Variants in TBC1D10B observed in about 807,000 individuals in gnomAD.
The protein encoded by TBC1D10B is Rab27A-GAPbeta.
A neutral mutation model predicts 78.4 loss-of-function variants in TBC1D10B; 25 were observed. The observed-to-expected ratio is 0.32, with a 90% CI of 0.23 to 0.45. TBC1D10B has a LOEUF of 0.45. TBC1D10B is among the 20% of genes least tolerant of loss of function. The pLI, the probability that TBC1D10B is intolerant of heterozygous loss-of-function variation, is 1.00. For missense variants in TBC1D10B, 996 were observed against 1,104.8 expected (o/e 0.90, Z 1.40); for synonymous variants, 517 against 478.0 (o/e 1.08, Z -1.06).
Position 30,365,363 on chromosome 16 carries a change from T to A in TBC1D10B, c.1056+132A>T. The stretch of plus-strand genomic sequence containing the variant: ...GCCTGGACTTCTATTTTTAAAGCCA[T>A]TCCCCCGCCAGGGCCCATCTATCCC... On this transcript the variant is annotated intron_variant, in intron 2 of 8. Transcript: ENST00000409939. This position sits in a 1 kb window ranked among gnomAD's most constrained non-coding sequence, Gnocchi z 5.0. 7.8e-7 allele frequency: 1 copy of A among 1,283,908 alleles called. No individual in the cohort carries two copies. Among genetic ancestry groups the A allele is most frequent in the African/African-American group, 1.5e-5 (1 of 68,118 alleles). The allele number at this position is 1,283,908 out of a possible 1,614,324, so 79.5% of individuals were successfully genotyped here.
intron 4 of TBC1D10B, among the ~76,000 whole-genome samples, chr16:30,361,264 G>C (rs1187447839): frequency 6.6e-6 from 1 of 152,164 alleles, no homozygotes; most frequent in Non-Finnish European, 1.5e-5. Context: ...CTGCACTCCA[G>C]CCTGGGCGAC....
At chr16:30,361,249 C>A (rs190140360) in intron 4 of TBC1D10B, among the ~76,000 whole-genome samples, 1 of 152,232 alleles carries the variant, frequency 6.6e-6, no homozygotes, top group African/African-American at 2.4e-5. Context: ...GCCAAGATCA[C>A]ACCACTGCAC....
Position 30,369,630 on chromosome 16 carries a change from G to A in TBC1D10B, c.554C>T (p.Ala185Val), listed in dbSNP as rs1422320053. The change falls in exon 1 of 9, where the codon GCA (alanine) becomes GTA (valine). Residue 185 changes from alanine to valine, a missense_variant. Physicochemically the swap from Ala to Val is moderately conservative, Grantham distance 64. Transcript: ENST00000409939. This position sits in a 1 kb window ranked among gnomAD's most constrained non-coding sequence, Gnocchi z 4.3. ...TGTCACTTGTCCTGATGCACTCCGT[G>A]CAGTCACTCCTGAGGCCACTGTGGT... ...PGTTVASGVT[A>V]RSASGQVTGG... The A allele has an allele frequency of 3.9e-6, 6 of 1,530,402 alleles. No individual in the cohort carries two copies. Among genetic ancestry groups the A allele is most frequent in the Non-Finnish European group, 5.3e-6 (6 of 1,136,146 alleles). The allele number at this position is 1,530,402 out of a possible 1,614,324, so 94.8% of individuals were successfully genotyped here.
At chr16:30,367,909 G>C (rs959773405) in intron 1 of TBC1D10B, 1 of 152,206 alleles carries the variant, frequency 6.6e-6, no homozygotes, top group African/African-American at 2.4e-5. Context: ...ACAGCACCCG[G>C]CATAGTGCCT....
intron 4 of TBC1D10B, chr16:30,360,334 C>G (rs11642676): frequency 0.25 from 39,576 of 160,768 alleles, 6,073 homozygotes; most frequent in Non-Finnish European, 0.34. Flanking sequence ...TAGATCTGCT[C>G]TTCTTGAGGG....
chr16:30,363,728 G>A (rs1238349481), intron 4 of TBC1D10B, among the ~76,000 whole-genome samples: 1 of 152,168 alleles, frequency 6.6e-6, no homozygotes, highest in East Asian at 1.9e-4. Flanking sequence ...AGGAGTTTTT[G>A]GTTTTTTGTT....
chr16:30,364,795 T>C (rs2151102157), intron 4 of TBC1D10B, 105 bp downstream of exon 4: 3 of 1,030,728 alleles, frequency 2.9e-6, no homozygotes, highest in East Asian at 5.2e-5. Flanking sequence ...CTACAAGTCC[T>C]GAAGGGCAAA....
At position 30,357,779 on chromosome 16, in the gene TBC1D10B, G is replaced by C; in HGVS notation, c.*165C>G. ...CAGACTCATTTGCAGCTGCCCATCTGTCCTGCCCGTGTAGGGATCAGCAGC... is the reference window on the plus strand; with the variant it reads ...CAGACTCATTTGCAGCTGCCCATCTCTCCTGCCCGTGTAGGGATCAGCAGC... On this transcript the variant is annotated 3_prime_UTR_variant, in exon 9 of 9. Coordinates refer to ENST00000409939, the MANE Select transcript of TBC1D10B (RefSeq NM_015527.4). 1 of 953,164 alleles carries C rather than the reference G, an allele frequency of 1.0e-6. No individual in the cohort carries two copies. Among genetic ancestry groups the C allele is most frequent in the Non-Finnish European group, 1.5e-6 (1 of 659,516 alleles). 59.0% of individuals were successfully genotyped at this position (953,164 alleles called of 1,614,324 possible).
intron 4 of TBC1D10B, 107 bp downstream of exon 4, chr16:30,364,793 C>T: frequency 1.0e-6 from 1 of 962,556 alleles, no homozygotes; most frequent in Middle Eastern, 3.3e-4. Flanking sequence ...TTCTACAAGT[C>T]CTGAAGGGCA....
chr16:30,360,929 A>T (rs1283274394), intron 4 of TBC1D10B, among the ~76,000 whole-genome samples: 2 of 151,108 alleles, frequency 1.3e-5, no homozygotes, highest in Non-Finnish European at 2.9e-5. Context: ...CTGCACTATC[A>T]ATTTCTCTCT....
chr16:30,370,178 C>A lies in TBC1D10B; in HGVS notation c.6G>T (p.Glu2Asp). 8.5e-7 allele frequency: 1 copy of A among 1,170,262 alleles called. No homozygotes were observed. Among genetic ancestry groups the A allele is most frequent in the South Asian group, 4.2e-5 (1 of 23,848 alleles). The allele number at this position is 1,170,262 out of a possible 1,614,324, so 72.5% of individuals were successfully genotyped here. A position where few individuals can be genotyped will look rare whatever the true frequency, so the allele number is the denominator to read the frequency against. Reference sequence around the variant, plus strand: ...GGGCCACCAGGGGCGCCGTGCCCGTCTCCATGGCCGCGGGCCGCCCCTCAC... The same window carrying A: ...GGGCCACCAGGGGCGCCGTGCCCGTATCCATGGCCGCGGGCCGCCCCTCAC... M[E>D]TGTAPLVAPP... Residue 2 changes from glutamate to aspartate, a missense_variant, in exon 1 of 9, where the codon GAG (glutamate) becomes GAT (aspartate). Glu to Asp is a conservative substitution (Grantham distance 45, BLOSUM62 2). Coordinates refer to ENST00000409939, the MANE Select transcript of TBC1D10B (RefSeq NM_015527.4).
In TBC1D10B at chr16:30,369,460, T is replaced by C; in HGVS notation, c.724A>G (p.Asn242Asp). ...GACGTGGAGCCCAGGTCTTGAGAGTTTTCAGCAGGCTCCGGAGCTGGGGTC... is the reference window on the plus strand; with the variant it reads ...GACGTGGAGCCCAGGTCTTGAGAGTCTTCAGCAGGCTCCGGAGCTGGGGTC... Reference protein sequence around the residue: ...TVTPAPEPAENSQDLGSTSSL... With the variant: ...TVTPAPEPAEDSQDLGSTSSL... The change falls in exon 1 of 9, where the codon AAC becomes GAC. Residue 242 changes from asparagine (N) to aspartate (D), a missense_variant. Coordinates refer to ENST00000409939, the MANE Select transcript of TBC1D10B (RefSeq NM_015527.4). This position sits in a 1 kb window ranked among gnomAD's most constrained non-coding sequence, Gnocchi z 4.3. 2 of 1,552,438 alleles carry C rather than the reference T, an allele frequency of 1.3e-6. No homozygotes were observed. The highest frequency in any genetic ancestry group is 2.4e-5 in the South Asian group (2 of 84,144).
Position 30,357,680 on chromosome 16 carries a change from A to C in TBC1D10B, c.*264T>G. On this transcript the variant is annotated 3_prime_UTR_variant, in exon 9 of 9. Coordinates refer to ENST00000409939, the MANE Select transcript of TBC1D10B (RefSeq NM_015527.4). Reference sequence around the variant, plus strand: ...CAACGGGCCATTCAGGACAGCACCTAGGAGGGGACCCAGAGGGAACTGGGG... The same window carrying C: ...CAACGGGCCATTCAGGACAGCACCTCGGAGGGGACCCAGAGGGAACTGGGG... The C allele has an allele frequency of 1.7e-6, 1 of 577,854 alleles. No homozygotes were observed. The highest frequency in any genetic ancestry group is 3.1e-6 in the Non-Finnish European group (1 of 326,488). The allele number at this position is 577,854 out of a possible 1,614,324, so 35.8% of individuals were successfully genotyped here.
At position 30,358,383 on chromosome 16, in the gene TBC1D10B, G is replaced by A. The variant is rs747642138; in HGVS notation, c.1988C>T (p.Pro663Leu). The A allele has an allele frequency of 1.9e-6, 3 of 1,565,484 alleles. No individual in the cohort carries two copies. The highest frequency in any genetic ancestry group is 2.6e-6 in the Non-Finnish European group (3 of 1,155,644). The change falls in exon 9 of 9, where the codon CCT (proline) becomes CTT (leucine). Residue 663 changes from proline to leucine, a missense_variant. Physicochemically the swap from Pro to Leu is moderately conservative, Grantham distance 98. Around this residue, in one of 5 missense-constraint regions of TBC1D10B, gnomAD observed 285 missense variants for 252.5 expected, o/e 1.13. Coordinates refer to ENST00000409939, the MANE Select transcript of TBC1D10B (RefSeq NM_015527.4). Reference protein sequence around the residue: ...LGPSSSLLSLPGLKSRGSRAA... With the variant: ...LGPSSSLLSLLGLKSRGSRAA... ...CCGGGAGCCTCGGCTCTTGAGGCCAGGGAGGCTGAGGAGGCTGGAGGAGGG... is the reference window on the plus strand; with the variant it reads ...CCGGGAGCCTCGGCTCTTGAGGCCAAGGAGGCTGAGGAGGCTGGAGGAGGG...
At chr16:30,367,053 G>C (rs1002187004) in intron 1 of TBC1D10B, 1 of 152,160 alleles carries the variant, frequency 6.6e-6, no homozygotes, top group African/African-American at 2.4e-5. Flanking sequence ...AAACTCAGCC[G>C]GGTGTGGTGG....
intron 1 of TBC1D10B, chr16:30,366,956 G>A (rs2049641453): frequency 6.6e-6 from 1 of 152,206 alleles, no homozygotes; most frequent in Non-Finnish European, 1.5e-5. Context: ...AGGCGGAGGT[G>A]TCAGAAGTGA....
Position 30,358,796 on chromosome 16 carries a change from AC to A in TBC1D10B, c.1663del (p.Val555TrpfsTer46). On this transcript the variant is annotated frameshift_variant, in exon 8 of 9. Transcript: ENST00000409939. LOFTEE classifies it high-confidence loss of function. ...CGTGTGGCGCAGCAGGACCAGGGCCACCCGGAAGATGATCTTAACGCCTGCA... is the reference window on the plus strand; with the variant it reads ...CGTGTGGCGCAGCAGGACCAGGGCCACCGGAAGATGATCTTAACGCCTGCA... ...FCEGVKIIFR[V>X]ALVLLRHTLG... 6.2e-7 allele frequency: 1 copy of A among 1,608,812 alleles called. No individual in the cohort carries two copies. Among genetic ancestry groups the A allele is most frequent in the Non-Finnish European group, 8.5e-7 (1 of 1,177,956 alleles).
rs1357850034 is a variant in TBC1D10B, at chr16:30,370,238, C to T, written c.-55G>A. 9.4e-6 allele frequency: 9 copies of T among 961,694 alleles called. No individual in the cohort carries two copies. Among genetic ancestry groups the T allele is most frequent in the African/African-American group, 1.7e-5 (1 of 57,420 alleles). The allele number at this position is 961,694 out of a possible 1,614,324, so 59.6% of individuals were successfully genotyped here. A position where few individuals can be genotyped will look rare whatever the true frequency, so the allele number is the denominator to read the frequency against. On this transcript the variant is annotated 5_prime_UTR_variant, in exon 1 of 9. Coordinates refer to ENST00000409939, the MANE Select transcript of TBC1D10B (RefSeq NM_015527.4). The stretch of plus-strand genomic sequence containing the variant: ...CCGGGGAGGCCGCAGAAGGCGCCGC[C>T]CCTCGGGCCTCCCGGCGAGGCCAGC...
rs1479416932 is a variant in TBC1D10B, at chr16:30,357,683, AG to A, written c.*260del. ...CGGGCCATTCAGGACAGCACCTAGG[AG>A]GGGACCCAGAGGGAACTGGGGCAGG... On this transcript the variant is annotated 3_prime_UTR_variant, in exon 9 of 9. Transcript: ENST00000409939. The A allele has an allele frequency of 1.4e-5, 8 of 584,828 alleles. No individual in the cohort carries two copies. Among genetic ancestry groups the A allele is most frequent in the Admixed American group, 9.1e-5 (3 of 33,124 alleles). 36.2% of individuals were successfully genotyped at this position (584,828 alleles called of 1,614,324 possible). A position where few individuals can be genotyped will look rare whatever the true frequency, so the allele number is the denominator to read the frequency against.
Sources: allele counts gnomAD v4.1 joint callset (sites outside exome capture counted in the v4.1 genomes callset), GRCh38; gene constraint gnomAD v4.1.1; regional missense constraint gnomAD v4.1.1; non-coding constraint Gnocchi (gnomAD v3.1); transcripts MANE v1.5; gene names NCBI Gene and HGNC (gene_info 2026-07-23, HGNC 2026-07-21).